The following AUH variants were observed in gnomAD, a reference collection of about 807,000 sequenced individuals.
AUH encodes AU RNA binding methylglutaconyl-CoA hydratase, also known as methylglutaconyl-CoA hydratase, mitochondrial.
Under a neutral mutation model 42.3 loss-of-function variants are expected in AUH, and 29 were observed. The ratio of observed to expected loss-of-function variants is 0.69; its 90% CI spans 0.51 to 0.93. The LOEUF is 0.93. Among genes scored for constraint, AUH ranks in the 40% least tolerant of loss-of-function variants. The probability of loss-of-function intolerance (pLI) is 0.00; values close to 1 mark genes in which losing one functional copy is unlikely to be tolerated. For synonymous variants in AUH, 174 were observed against 166.4 expected (o/e 1.05, Z -0.35); for missense variants, 452 against 438.1 (o/e 1.03, Z -0.28).
intron 1 of AUH, among the ~76,000 whole-genome samples, chr9:91,358,834 A>G (rs914212802): frequency 6.6e-6 from 1 of 152,236 alleles, no homozygotes; most frequent in Non-Finnish European, 1.5e-5. Context: ...GAAATGAATT[A>G]TCTAATATGT....
intron 1 of AUH, among the ~76,000 whole-genome samples, chr9:91,358,567 T>C (rs927078734): frequency 3.3e-5 from 5 of 152,226 alleles, no homozygotes; most frequent in Non-Finnish European, 7.3e-5. Context: ...TAGAATCGAA[T>C]GATATGATAC....
Position 91,352,948 on chromosome 9 carries a change from G to A in AUH, c.418+2935C>T, listed in dbSNP as rs140927290. 2.6e-3 allele frequency among the ~76,000 whole-genome samples: 403 copies of A among 152,288 alleles called. 2 individuals are homozygous for A. The highest frequency in any genetic ancestry group is 6.4e-3 in the South Asian group (31 of 4,822). The stretch of plus-strand genomic sequence containing the variant: ...CTAAGCTTTAAATATTTAGAAATGA[G>A]CAAGGTATCACTGGAATACAGTATT... On this transcript the variant is annotated intron_variant, in intron 3 of 9. Coordinates refer to ENST00000375731, the MANE Select transcript of AUH (RefSeq NM_001698.3).
intron 6 of AUH, among the ~76,000 whole-genome samples, chr9:91,230,010 T>G (rs1349472311): frequency 1.3e-5 from 2 of 151,886 alleles, no homozygotes; most frequent in East Asian, 3.9e-4. Context: ...CATTTCAACT[T>G]TGGTGAATCT....
intron 4 of AUH, among the ~76,000 whole-genome samples, chr9:91,302,051 TA>T (rs1827824036): frequency 6.6e-6 from 1 of 152,190 alleles, no homozygotes; most frequent in Non-Finnish European, 1.5e-5. Context: ...AATTATTCCC[TA>T]AAAGATGTCT....
chr9:91,306,451 A>G, intron 4 of AUH: 1 of 883,674 alleles, frequency 1.1e-6, no homozygotes, highest in Non-Finnish European at 1.4e-6. Flanking sequence ...AAGATAACAT[A>G]CCATAAGTAG....
intron 6 of AUH, among the ~76,000 whole-genome samples, chr9:91,293,198 C>T (rs1308418154): frequency 6.6e-6 from 1 of 152,144 alleles, no homozygotes; most frequent in Non-Finnish European, 1.5e-5. Context: ...GAATAACCTT[C>T]CAGTGACTTC....
chr9:91,294,065 A>C (rs1370973937), intron 6 of AUH, among the ~76,000 whole-genome samples: 2 of 152,246 alleles, frequency 1.3e-5, no homozygotes, highest in African/African-American at 4.8e-5. Context: ...TGAATACTAA[A>C]GCCCACTGCT....
At chr9:91,268,803 T>C (rs967332556) in intron 6 of AUH, among the ~76,000 whole-genome samples, 16 of 152,154 alleles carry the variant, frequency 1.1e-4, no homozygotes, top group African/African-American at 3.4e-4. Flanking sequence ...TATTTCCCAG[T>C]CTTCTTTGAG....
chr9:91,250,624 C>T (rs1186826698), intron 6 of AUH, among the ~76,000 whole-genome samples: 3 of 152,204 alleles, frequency 2.0e-5, no homozygotes, highest in African/African-American at 2.4e-5. Flanking sequence ...TCTGCATACC[C>T]GTATTTTATT....
At chr9:91,355,524 C>T (rs531914655) in intron 3 of AUH, among the ~76,000 whole-genome samples, 132 of 151,590 alleles carry the variant, frequency 8.7e-4, no homozygotes, top group African/African-American at 3.1e-3. Context: ...GCCACTGCAG[C>T]CTGGGTGACA....
chr9:91,303,380 G>C (rs1392009365), intron 4 of AUH, among the ~76,000 whole-genome samples: 1 of 152,038 alleles, frequency 6.6e-6, no homozygotes, highest in Non-Finnish European at 1.5e-5. Context: ...GCCCAGGCTA[G>C]AGTGCAGTGG....
intron 3 of AUH, among the ~76,000 whole-genome samples, chr9:91,345,023 G>C (rs1237428338): frequency 6.7e-6 from 1 of 148,846 alleles, no homozygotes; most frequent in Non-Finnish European, 1.5e-5. Context: ...AAAAAAAAAT[G>C]CCTCAGCAAA....
At chr9:91,238,424 T>A (rs894643884) in intron 6 of AUH, among the ~76,000 whole-genome samples, 1 of 152,218 alleles carries the variant, frequency 6.6e-6, no homozygotes, top group South Asian at 2.1e-4. Flanking sequence ...CTTGGCCATG[T>A]GTAGCTGGAG....
chr9:91,289,604 T>C (rs1423381102), intron 6 of AUH, among the ~76,000 whole-genome samples: 11 of 152,238 alleles, frequency 7.2e-5, no homozygotes, highest in Admixed American at 7.2e-4. Flanking sequence ...CTTTACAACA[T>C]TTAACAGAAA....
intron 1 of AUH, 38 bp downstream of exon 1, chr9:91,361,590 G>A (rs1224432075): frequency 1.9e-6 from 3 of 1,558,952 alleles, no homozygotes; most frequent in Non-Finnish European, 1.7e-6. Flanking sequence ...GCGAGCGGCC[G>A]CCCGCTGCCC....
At chr9:91,356,284 C>T in intron 1 of AUH, 129 bp from the exon 2 acceptor site, 1 of 767,348 alleles carries the variant, frequency 1.3e-6, no homozygotes, top group Non-Finnish European at 2.2e-6. Flanking sequence ...ACGTTCCCTT[C>T]AATCGATCTC....
chr9:91,283,359 T>A (rs886431566), intron 6 of AUH, among the ~76,000 whole-genome samples: 1 of 152,198 alleles, frequency 6.6e-6, no homozygotes, highest in East Asian at 1.9e-4. Flanking sequence ...AATATCATAC[T>A]GAATAGGCAA....
At chr9:91,228,132 C>T (rs1827630556) in intron 6 of AUH, among the ~76,000 whole-genome samples, 1 of 151,848 alleles carries the variant, frequency 6.6e-6, no homozygotes, top group Non-Finnish European at 1.5e-5. Context: ...GGAATGGTAC[C>T]AGTTCCTCCT....
At chr9:91,214,902 A>G (rs1346755553) in intron 9 of AUH, among the ~76,000 whole-genome samples, 2 of 152,190 alleles carry the variant, frequency 1.3e-5, no homozygotes, top group African/African-American at 4.8e-5. Context: ...TGTGGTCTGA[A>G]GAATACCTTG....
Sources: gnomAD v4.1 joint callset for allele counts (sites outside exome capture counted in the v4.1 genomes callset) on GRCh38, gnomAD v4.1.1 for gene constraint, MANE v1.5 for transcripts, NCBI Gene and HGNC (gene_info 2026-07-23, HGNC 2026-07-21) for gene names.